KIF5C: variants seen among roughly 807,000 people sequenced by gnomAD.
KIF5C encodes kinesin family member 5C, also known as kinesin heavy chain isoform 5C.
KIF5C carries 18 observed loss-of-function variants against 125.2 expected under a neutral mutation model. The observed-to-expected ratio is 0.14, with a 90% CI of 0.10 to 0.21. The LOEUF is 0.21. Ranked by LOEUF, KIF5C falls within the 10% of genes least tolerant of loss-of-function variation. The pLI is 1.00. For missense variants in KIF5C, 780 were observed against 1,183.8 expected (o/e 0.66, Z 5.01); for synonymous variants, 405 against 434.0 (o/e 0.93, Z 0.83).
chr2:148,957,614 A>AACAAAT, intron 10 of KIF5C, among the ~76,000 whole-genome samples: 1 of 145,722 alleles, frequency 6.9e-6, no homozygotes, highest in South Asian at 2.1e-4. Flanking sequence ...AAAAAAAAAA[A>AACAAAT]AAACAATAAA....
At chr2:148,979,717 A>G (rs1213322355) in intron 13 of KIF5C, among the ~76,000 whole-genome samples, 1 of 152,210 alleles carries the variant, frequency 6.6e-6, no homozygotes, top group Non-Finnish European at 1.5e-5. Flanking sequence ...ACAAACAAAA[A>G]CAAAACTAGA....
intron 15 of KIF5C, among the ~76,000 whole-genome samples, chr2:148,989,257 A>G (rs1381826051): frequency 2.0e-5 from 3 of 152,088 alleles, no homozygotes; most frequent in Admixed American, 6.5e-5. Flanking sequence ...CACTTAGAAT[A>G]ATAGTCTCCA....
intron 1 of KIF5C, among the ~76,000 whole-genome samples, chr2:148,907,697 A>AGCAT (rs1486606837): frequency 6.6e-6 from 1 of 152,112 alleles, no homozygotes; most frequent in Non-Finnish European, 1.5e-5. Flanking sequence ...GTGAGGCGAG[A>AGCAT]GCATGTCTGA....
chr2:149,015,882 A>G (rs1441552482), intron 25 of KIF5C, among the ~76,000 whole-genome samples: 1 of 152,232 alleles, frequency 6.6e-6, no homozygotes, highest in Non-Finnish European at 1.5e-5. Flanking sequence ...GTTCTTGTCC[A>G]GTGATATGCT....
At chr2:148,989,331 T>C (rs1681462997) in intron 15 of KIF5C, among the ~76,000 whole-genome samples, 1 of 140,044 alleles carries the variant, frequency 7.1e-6, no homozygotes, top group Non-Finnish European at 1.6e-5. Flanking sequence ...TAGTATTCCA[T>C]GATTTTACAC....
At chr2:149,003,660 C>G (rs1253873373) in intron 21 of KIF5C, among the ~76,000 whole-genome samples, 1 of 152,192 alleles carries the variant, frequency 6.6e-6, no homozygotes. Context: ...TGATAGTTGC[C>G]TAAGCACAGT....
intron 1 of KIF5C, among the ~76,000 whole-genome samples, chr2:148,909,390 ACTCAGAGGAGT>A (rs1340804298): frequency 1.3e-5 from 2 of 151,808 alleles, no homozygotes; most frequent in Non-Finnish European, 2.9e-5. Flanking sequence ...ATATCACAAC[ACTCAGAGGAGT>A]CATCTTTGTT....
chr2:148,937,417 A>C, intron 4 of KIF5C, 29 bp downstream of exon 4: 1 of 1,557,892 alleles, frequency 6.4e-7, no homozygotes, highest in Non-Finnish European at 8.7e-7. Flanking sequence ...TCCCCAGAGA[A>C]GACACTGGGC....
chr2:148,875,575 G>GGGGCC lies in KIF5C; in HGVS notation c.-43_-42insGGGCC. The GGGGCC allele has an allele frequency of 5.7e-6, 4 of 699,592 alleles. No homozygotes were observed. The highest frequency in any genetic ancestry group is 1.0e-5 in the Non-Finnish European group (4 of 389,224). The allele number at this position is 699,592 out of a possible 1,614,324, so 43.3% of individuals were successfully genotyped here. On this transcript the variant is annotated 5_prime_UTR_variant, in exon 1 of 26. Transcript: ENST00000435030. ...TCCTCCCTCGTCGTTCCCGGCCCCGGCCCCCCACCCATCCCCGTGCCCCCT... is the reference window on the plus strand; with the variant it reads ...TCCTCCCTCGTCGTTCCCGGCCCCGGGGGCCCCCCCCACCCATCCCCGTGCCCCCT...
chr2:148,952,859 C>G (rs531982725), intron 10 of KIF5C, among the ~76,000 whole-genome samples: 1 of 152,154 alleles, frequency 6.6e-6, no homozygotes, highest in East Asian at 1.9e-4. Flanking sequence ...GCTTTTCCTT[C>G]GTCTTAAATA....
intron 1 of KIF5C, chr2:148,888,165 C>A (rs1181704664): frequency 6.6e-6 from 1 of 152,166 alleles, no homozygotes; most frequent in Non-Finnish European, 1.5e-5. Flanking sequence ...CGGAAGGGGC[C>A]CCCAGTCGCC....
intron 1 of KIF5C, among the ~76,000 whole-genome samples, chr2:148,917,059 C>G (rs1007443699): frequency 6.6e-6 from 1 of 152,224 alleles, no homozygotes; most frequent in African/African-American, 2.4e-5. Context: ...CTTTCCCTAG[C>G]CTCTGATTGG....
chr2:148,989,306 C>T (rs1239588980), intron 15 of KIF5C, among the ~76,000 whole-genome samples: 1 of 151,422 alleles, frequency 6.6e-6, no homozygotes, highest in Non-Finnish European at 1.5e-5. Flanking sequence ...TATTCCATTC[C>T]TTTTTATGGC....
intron 1 of KIF5C, chr2:148,888,816 G>A (rs1264820565): frequency 6.6e-6 from 1 of 150,932 alleles, no homozygotes; most frequent in Non-Finnish European, 1.5e-5. Context: ...TCCAACCACA[G>A]ATATACAGTT....
chr2:149,011,764 C>T, intron 25 of KIF5C, 81 bp downstream of exon 25: 17 of 1,570,314 alleles, frequency 1.1e-5, no homozygotes, highest in Non-Finnish European at 1.5e-5. Flanking sequence ...TGGCAGTGGA[C>T]CTTGAGTAGA....
chr2:148,941,803 C>A, intron 5 of KIF5C, 132 bp from the exon 6 acceptor site: 1 of 1,450,066 alleles, frequency 6.9e-7, no homozygotes, highest in Non-Finnish European at 9.2e-7. Flanking sequence ...TTATTCTCAG[C>A]CAAGGCTTAA....
In KIF5C at chr2:148,924,748, C is replaced by A. The variant is rs532419637; in HGVS notation, c.217+2521C>A. Among the ~76,000 whole-genome samples, 6 of 152,326 alleles carry A rather than the reference C, an allele frequency of 3.9e-5. No homozygotes were observed. The South Asian group carries it at 1.2e-3, about 32-fold the overall frequency. On this transcript the variant is annotated intron_variant, in intron 2 of 25. Coordinates refer to ENST00000435030, the MANE Select transcript of KIF5C (RefSeq NM_004522.3). This position sits in a 1 kb window ranked among gnomAD's most constrained non-coding sequence, Gnocchi z 4.0. ...ACTATGTCCCAGCCTACAGAAGCCA[C>A]ACCAATCATTTGCCTTCCAAATTAA...
intron 15 of KIF5C, among the ~76,000 whole-genome samples, chr2:148,986,013 A>G (rs1156288038): frequency 6.6e-6 from 1 of 152,214 alleles, no homozygotes; most frequent in Non-Finnish European, 1.5e-5. Context: ...TTTTTGAACC[A>G]TACATTGGTG....
At chr2:148,975,620 G>A (rs72866046) in intron 12 of KIF5C, among the ~76,000 whole-genome samples, 29,471 of 152,144 alleles carry the variant, frequency 0.19, 3,660 homozygotes, top group South Asian at 0.3. Context: ...AAGACCACAC[G>A]GTTTCCTCCC....
Sources: allele counts gnomAD v4.1 joint callset (sites outside exome capture counted in the v4.1 genomes callset), GRCh38; gene constraint gnomAD v4.1.1; non-coding constraint Gnocchi (gnomAD v3.1); transcripts MANE v1.5; gene names NCBI Gene and HGNC (gene_info 2026-07-23, HGNC 2026-07-21).